The following STXBP4 variants were observed in gnomAD, a reference collection of about 807,000 sequenced individuals.
STXBP4 encodes the protein syntaxin-binding protein 4.
In STXBP4, 55 loss-of-function variants were observed where a neutral mutation model predicts 76.1. That is an observed-to-expected ratio of 0.72 (90% CI 0.58 to 0.91). The LOEUF is 0.91. Ranked by LOEUF, STXBP4 falls within the 40% of genes least tolerant of loss-of-function variation. The pLI is 0.00. For synonymous variants in STXBP4, 201 were observed against 220.2 expected (o/e 0.91, Z 0.77); for missense variants, 618 against 636.9 (o/e 0.97, Z 0.32).
chr17:54,995,364 C>T (rs1182614599), intron 4 of STXBP4, among the ~76,000 whole-genome samples: 3 of 152,096 alleles, frequency 2.0e-5, no homozygotes, highest in African/African-American at 2.4e-5. Flanking sequence ...TTGCTGGTAA[C>T]ATAGGGAAAG....
intron 16 of STXBP4, among the ~76,000 whole-genome samples, chr17:55,112,451 G>T (rs565065257): frequency 4.6e-5 from 7 of 152,284 alleles, no homozygotes; most frequent in African/African-American, 1.7e-4. Flanking sequence ...GAATAATATT[G>T]CAGAGGTAGG....
rs1383688659 is a variant in STXBP4 at position 55,162,069 on chromosome 17, A to C, written c.*2158A>C. On this transcript the variant is annotated 3_prime_UTR_variant, in exon 18 of 18. Transcript: ENST00000376352. The stretch of plus-strand genomic sequence containing the variant: ...GAATTCCCCAGGAGAAAATGGAAAC[A>C]CTATCCCAGCAATCTGAATTCCTTA... 4 of 152,262 alleles carry C rather than the reference A, an allele frequency of 2.6e-5. No individual in the cohort carries two copies. The highest frequency in any genetic ancestry group is 9.6e-5 in the African/African-American group (4 of 41,474). The allele number at this position is 152,262 out of a possible 1,614,324, so 9.4% of individuals were successfully genotyped here.
intron 16 of STXBP4, among the ~76,000 whole-genome samples, chr17:55,100,429 A>G (rs1256928767): frequency 1.3e-5 from 2 of 152,260 alleles, no homozygotes; most frequent in Non-Finnish European, 2.9e-5. Context: ...AAAGTACTCA[A>G]GTAAATCAAG....
At chr17:55,186,149 A>G in the STXBP4 span, among the ~76,000 whole-genome samples, 3 of 152,222 alleles carry the variant, frequency 2.0e-5, no homozygotes, top group Admixed American at 2.0e-4. Flanking sequence ...GATTGCTGAC[A>G]CTGAACCATA....
chr17:55,166,442 A>G lies in STXBP4; in HGVS notation c.*6531A>G, dbSNP rs1405017047. The G allele has an allele frequency of 2.0e-5, 3 of 152,208 alleles. No homozygotes were observed. The highest frequency in any genetic ancestry group is 7.2e-5 in the African/African-American group (3 of 41,430). 9.4% of individuals were successfully genotyped at this position (152,208 alleles called of 1,614,324 possible). ...TTCTATTCCTCCCTTGCTAGTCTTCAGTAGTTCCCTAGCACCTTCTACTAT... is the reference window on the plus strand; with the variant it reads ...TTCTATTCCTCCCTTGCTAGTCTTCGGTAGTTCCCTAGCACCTTCTACTAT... On this transcript the variant is annotated 3_prime_UTR_variant, in exon 18 of 18. Coordinates refer to ENST00000376352, the MANE Select transcript of STXBP4 (RefSeq NM_178509.6).
intron 12 of STXBP4, among the ~76,000 whole-genome samples, chr17:55,057,089 C>A (rs1396584063): frequency 6.6e-6 from 1 of 152,176 alleles, no homozygotes; most frequent in Admixed American, 6.5e-5. Flanking sequence ...GCTTCATAAA[C>A]TTTCCTTTTC....
chr17:55,094,295 G>C (rs2079455619), intron 16 of STXBP4, among the ~76,000 whole-genome samples: 1 of 152,054 alleles, frequency 6.6e-6, no homozygotes, highest in Non-Finnish European at 1.5e-5. Flanking sequence ...AAGGAGTTTG[G>C]ATTTTATTTT....
At chr17:55,177,683 T>C (rs2080436117), downstream of STXBP4, among the ~76,000 whole-genome samples, 1 of 152,186 alleles carries the variant, frequency 6.6e-6, no homozygotes, top group Non-Finnish European at 1.5e-5. Context: ...AAACAGGAAT[T>C]GATGAATGGC....
chr17:54,974,582 C>T (rs1430112385), intron 1 of STXBP4, among the ~76,000 whole-genome samples: 1 of 152,220 alleles, frequency 6.6e-6, no homozygotes, highest in Non-Finnish European at 1.5e-5. Context: ...GAAAATATGA[C>T]CTGTGCAGTC....
chr17:55,024,859 C>T (rs921065250), intron 8 of STXBP4, among the ~76,000 whole-genome samples: 1 of 151,978 alleles, frequency 6.6e-6, no homozygotes, highest in Admixed American at 6.6e-5. Context: ...TATAGATGGC[C>T]GGGCACGGTG....
At chr17:55,016,007 G>C (rs550452860) in intron 8 of STXBP4, among the ~76,000 whole-genome samples, 2 of 152,266 alleles carry the variant, frequency 1.3e-5, no homozygotes, top group South Asian at 4.1e-4. Flanking sequence ...AAGAATATAA[G>C]TCATAGCGTC....
In STXBP4 at chr17:55,097,389, C is replaced by T. The variant is rs188771638; in HGVS notation, c.1489+16206C>T. ...AAAAAATTGCCTGTAGTTGACCGGG[C>T]GCGGTGGCTCATGCCTGTAATCCCA... is the stretch of plus-strand genomic sequence containing the variant. On this transcript the variant is annotated intron_variant, in intron 16 of 17. Transcript: ENST00000376352. Among the ~76,000 whole-genome samples the T allele has an allele frequency of 1.7e-3, 253 of 152,264 alleles. 1 individual carries two copies. Among genetic ancestry groups the T allele is most frequent in the Non-Finnish European group, 1.0e-3 (71 of 68,018 alleles).
intron 16 of STXBP4, among the ~76,000 whole-genome samples, chr17:55,099,946 T>G (rs2079544111): frequency 1.3e-5 from 2 of 152,150 alleles, no homozygotes; most frequent in Non-Finnish European, 2.9e-5. Flanking sequence ...GGAATAAGAC[T>G]ACAGACAAAG....
intron 16 of STXBP4, among the ~76,000 whole-genome samples, chr17:55,091,651 T>C (rs2079416591): frequency 6.6e-6 from 1 of 152,184 alleles, no homozygotes; most frequent in Non-Finnish European, 1.5e-5. Context: ...TATATTTTTT[T>C]CTGAGCAAGC....
At chr17:55,097,824 G>A (rs932297762) in intron 16 of STXBP4, among the ~76,000 whole-genome samples, 1 of 152,118 alleles carries the variant, frequency 6.6e-6, no homozygotes, top group Non-Finnish European at 1.5e-5. Context: ...CAACTCTATG[G>A]CATAATAGAT....
At chr17:55,139,897 T>C (rs2080076297) in intron 16 of STXBP4, among the ~76,000 whole-genome samples, 1 of 152,152 alleles carries the variant, frequency 6.6e-6, no homozygotes, top group South Asian at 2.1e-4. Flanking sequence ...ATAAACACAA[T>C]GCAAATTGTA....
intron 16 of STXBP4, 84 bp downstream of exon 16, chr17:55,081,267 G>A: frequency 8.7e-7 from 1 of 1,150,664 alleles, no homozygotes; most frequent in African/African-American, 1.6e-5. Flanking sequence ...TTTCGTTATA[G>A]TGGCTTGCCT....
chr17:54,971,940 G>A (rs954849917), intron 1 of STXBP4, among the ~76,000 whole-genome samples: 51 of 152,036 alleles, frequency 3.4e-4, no homozygotes, highest in African/African-American at 1.2e-3. Flanking sequence ...TCATGACTTT[G>A]ACATTTTTGA....
At position 55,163,218 on chromosome 17, in the gene STXBP4, G is replaced by GGTTT. The variant is rs375658721; in HGVS notation, c.*3307_*3308insGTTT. 7.4e-6 allele frequency: 1 copy of GGTTT among 135,444 alleles called. No homozygotes were observed. The highest frequency in any genetic ancestry group is 2.7e-5 in the African/African-American group (1 of 36,638). 8.4% of individuals were successfully genotyped at this position (135,444 alleles called of 1,614,324 possible). On this transcript the variant is annotated 3_prime_UTR_variant, in exon 18 of 18. Transcript: ENST00000376352. Reference sequence around the variant, plus strand: ...CCAAATGTTCCTATAGATTTTCTGGGTTTTTTTTTTTTTTTTGTCCTTGGA... The same window carrying GGTTT: ...CCAAATGTTCCTATAGATTTTCTGGGGTTTTTTTTTTTTTTTTTTTGTCCTTGGA...
Sources: allele counts gnomAD v4.1 joint callset (sites outside exome capture counted in the v4.1 genomes callset), GRCh38; gene constraint gnomAD v4.1.1; transcripts MANE v1.5; gene names NCBI Gene and HGNC (gene_info 2026-07-23, HGNC 2026-07-21).